Variants in EIF2AK1 observed in about 807,000 individuals in gnomAD.
EIF2AK1 encodes eukaryotic translation initiation factor 2-alpha kinase 1.
Under a neutral mutation model 77.9 loss-of-function variants are expected in EIF2AK1, and 54 were observed. The observed-to-expected ratio is 0.69, with a 90% confidence interval of 0.56 to 0.87. The LOEUF is 0.87. EIF2AK1 is among the 40% of genes least tolerant of loss of function. The pLI, the probability that EIF2AK1 is intolerant of heterozygous loss-of-function variation, is 0.00. For synonymous variants in EIF2AK1, 314 were observed against 290.5 expected (o/e 1.08, Z -0.82); for missense variants, 810 against 768.6 (o/e 1.05, Z -0.64).
chr7:6,043,114 C>G, intron 7 of EIF2AK1, 121 bp from the exon 8 acceptor site: 2 of 980,960 alleles, frequency 2.0e-6, no homozygotes, highest in Non-Finnish European at 3.1e-6. Flanking sequence ...ATGTCATGAC[C>G]TTCTGGCAAA....
chr7:6,040,043 A>T (rs543352794), intron 9 of EIF2AK1, among the ~76,000 whole-genome samples: 1 of 152,222 alleles, frequency 6.6e-6, no homozygotes, highest in East Asian at 1.9e-4. Flanking sequence ...AACAAGACAG[A>T]TTATGTGTAG....
intron 1 of EIF2AK1, among the ~76,000 whole-genome samples, chr7:6,058,423 A>C (rs1344160952): frequency 1.3e-5 from 2 of 152,140 alleles, no homozygotes; most frequent in African/African-American, 4.8e-5. Flanking sequence ...TTCAAAAAAA[A>C]ACTTGGGCCT....
intron 11 of EIF2AK1, among the ~76,000 whole-genome samples, chr7:6,037,208 G>T (rs868517809): frequency 6.6e-6 from 1 of 151,642 alleles, no homozygotes; most frequent in African/African-American, 2.4e-5. Context: ...TCCAACGTGG[G>T]TGACAGAGCG....
intron 11 of EIF2AK1, chr7:6,031,443 G>A (rs772688273): frequency 8.4e-6 from 13 of 1,550,624 alleles, no homozygotes; most frequent in African/African-American, 4.1e-5. Context: ...CTGGAAGATG[G>A]CCCATCTGCA....
Position 6,022,706 on chromosome 7 carries a change from G to C in EIF2AK1, c.*1967C>G, listed in dbSNP as rs571925601. 6.6e-6 allele frequency: 1 copy of C among 152,494 alleles called. No homozygotes were observed. Among genetic ancestry groups the C allele is most frequent in the Admixed American group, 6.5e-5 (1 of 15,312 alleles). The allele number at this position is 152,494 out of a possible 1,614,324, so 9.4% of individuals were successfully genotyped here. On this transcript the variant is annotated 3_prime_UTR_variant, in exon 15 of 15. Coordinates refer to ENST00000199389, the MANE Select transcript of EIF2AK1 (RefSeq NM_014413.4). ...TCAAGGGGGGGACTGTGAGCATTTG[G>C]GGAAGGGGGTTCTGTCCAACCAGGC...
At chr7:6,057,126 C>CTTTT (rs34958065) in intron 1 of EIF2AK1, among the ~76,000 whole-genome samples, 66 of 90,714 alleles carry the variant, frequency 7.3e-4, no homozygotes, top group Non-Finnish European at 8.4e-4. Flanking sequence ...GACCCCATCT[C>CTTTT]TTTTTTTTTT....
In EIF2AK1 at chr7:6,046,118, T is replaced by A. The variant is rs138377344; in HGVS notation, c.583A>T (p.Ile195Leu). The A allele has an allele frequency of 2.5e-6, 4 of 1,574,086 alleles. No homozygotes were observed. Among genetic ancestry groups the A allele is most frequent in the Admixed American group, 4.0e-5 (2 of 50,116 alleles). Residue 195 changes from isoleucine to leucine, a missense_variant, in exon 6 of 15, where the codon ATA (isoleucine) becomes TTA (leucine). Ile to Leu is a conservative substitution (Grantham distance 5, BLOSUM62 2). This residue lies in a region of EIF2AK1 where 549 missense variants were observed against 533.7 expected (regional missense o/e 1.03). Coordinates refer to ENST00000199389, the MANE Select transcript of EIF2AK1 (RefSeq NM_014413.4). ...RNKLDGQYYA[I>L]KKILIKGATK... ...GCACCCTTAATCAGGATTTTTTTTA[T>A]TGCATAATACTGACCATCTAATTTA... is the stretch of plus-strand genomic sequence containing the variant.
In EIF2AK1 at chr7:6,025,842, G is replaced by A. The variant is rs186580930; in HGVS notation, c.1764+886C>T. ...TAGATGGGGTTTCACCATGTTGGCC[G>A]GGCTGGTCTTGAACTCCTAACATCA... On this transcript the variant is annotated intron_variant, in intron 14 of 14. Transcript: ENST00000199389. Among the ~76,000 whole-genome samples, 297 of 151,738 alleles carry A rather than the reference G, an allele frequency of 2.0e-3. 1 individual carries two copies. Among genetic ancestry groups the A allele is most frequent in the Non-Finnish European group, 2.9e-3 (199 of 67,846 alleles).
intron 1 of EIF2AK1, among the ~76,000 whole-genome samples, chr7:6,056,613 A>AAAAAAAAAT: frequency 4.6e-5 from 2 of 43,738 alleles, no homozygotes; most frequent in East Asian, 1.3e-3. Flanking sequence ...AAAAAAAAAA[A>AAAAAAAAAT]ATATATATAT....
chr7:6,039,924 C>T (rs975697982), intron 9 of EIF2AK1, among the ~76,000 whole-genome samples: 1 of 151,710 alleles, frequency 6.6e-6, no homozygotes, highest in Non-Finnish European at 1.5e-5. Flanking sequence ...GTGACAAGAG[C>T]AAAACTTTGT....
chr7:6,023,288 G>T lies in EIF2AK1; in HGVS notation c.*1385C>A, dbSNP rs771202070. 1 of 1,575,624 alleles carries T rather than the reference G, an allele frequency of 6.3e-7. No individual in the cohort carries two copies. Among genetic ancestry groups the T allele is most frequent in the Non-Finnish European group, 8.6e-7 (1 of 1,164,848 alleles). ...CTGCTCTGGTGATGCTACCTGGCGT[G>T]TTTTTTCTTTTCAGTGCCGAAGACG... is the stretch of plus-strand genomic sequence containing the variant. On this transcript the variant is annotated 3_prime_UTR_variant, in exon 15 of 15. Coordinates refer to ENST00000199389, the MANE Select transcript of EIF2AK1 (RefSeq NM_014413.4).
Position 6,024,432 on chromosome 7 carries a change from TGAG to T in EIF2AK1, c.*238_*240del. On this transcript the variant is annotated 3_prime_UTR_variant, in exon 15 of 15. Coordinates refer to ENST00000199389, the MANE Select transcript of EIF2AK1 (RefSeq NM_014413.4). ...AACAGAGTTGAAAGGAGAAAATAAT[TGAG>T]GATGAGGTCCAAGTTTTTAGTTTCA... 7.3e-7 allele frequency: 1 copy of T among 1,369,436 alleles called. No homozygotes were observed. Among genetic ancestry groups the T allele is most frequent in the Non-Finnish European group, 9.4e-7 (1 of 1,063,116 alleles). 84.8% of individuals were successfully genotyped at this position (1,369,436 alleles called of 1,614,324 possible).
In EIF2AK1 at chr7:6,052,795, G is replaced by A. The variant is rs577295158; in HGVS notation, c.277+1751C>T. 4.1e-4 allele frequency among the ~76,000 whole-genome samples: 62 copies of A among 151,804 alleles called. 1 individual carries two copies. In the South Asian group the frequency reaches 0.011, roughly 28 times the overall value. ...AGCCTGAACAACATGGTGAAACCCC[G>A]TCTCTATTAAAAATACAAAAATTAC... On this transcript the variant is annotated intron_variant, in intron 2 of 14. Transcript: ENST00000199389.
intron 1 of EIF2AK1, among the ~76,000 whole-genome samples, chr7:6,055,998 A>G (rs1296373977): frequency 6.8e-5 from 10 of 146,818 alleles, no homozygotes; most frequent in African/African-American, 2.5e-4. Flanking sequence ...AAAAAAAAAA[A>G]AAAAAAAAAA....
intron 9 of EIF2AK1, among the ~76,000 whole-genome samples, chr7:6,040,133 T>C (rs1788253797): frequency 1.3e-5 from 2 of 151,792 alleles, no homozygotes; most frequent in Admixed American, 1.3e-4. Context: ...CAGGCTGGAG[T>C]ACGGTGCCTC....
At position 6,022,399 on chromosome 7, in the gene EIF2AK1, T is replaced by C. The variant is rs983816334; in HGVS notation, c.*2274A>G. The C allele has an allele frequency of 2.0e-4, 30 of 152,228 alleles. No individual in the cohort carries two copies. The highest frequency in any genetic ancestry group is 6.5e-4 in the African/African-American group (27 of 41,542). The allele number at this position is 152,228 out of a possible 1,614,324, so 9.4% of individuals were successfully genotyped here. A position where few individuals can be genotyped will look rare whatever the true frequency, so the allele number is the denominator to read the frequency against. On this transcript the variant is annotated 3_prime_UTR_variant, in exon 15 of 15. Coordinates refer to ENST00000199389, the MANE Select transcript of EIF2AK1 (RefSeq NM_014413.4). ...TTTTGAAGGAGTCAGAAGTTTTATG[T>C]GGATTTTCGACTGCACAGCAGTCGG...
At chr7:6,049,821 A>G in intron 3 of EIF2AK1, 91 bp downstream of exon 3, 1 of 1,320,140 alleles carries the variant, frequency 7.6e-7, no homozygotes, top group Non-Finnish European at 1.0e-6. Context: ...AACTTGTTTT[A>G]TAATCAGAAT....
intron 11 of EIF2AK1, among the ~76,000 whole-genome samples, chr7:6,034,957 C>T (rs770860348): frequency 2.0e-5 from 3 of 152,112 alleles, no homozygotes; most frequent in East Asian, 1.9e-4. Flanking sequence ...AAGGAGTCAA[C>T]GGGAGTTCGG....
At chr7:6,052,135 G>A (rs113959466) in intron 2 of EIF2AK1, among the ~76,000 whole-genome samples, 31,166 of 141,496 alleles carry the variant, frequency 0.22, 4,067 homozygotes, top group African/African-American at 0.39. Flanking sequence ...TCGCACTACC[G>A]CACTCCAGCC....
Sources: gnomAD v4.1 joint callset for allele counts (sites outside exome capture counted in the v4.1 genomes callset) on GRCh38, gnomAD v4.1.1 for gene constraint, gnomAD v4.1.1 regional missense constraint, MANE v1.5 for transcripts, NCBI Gene and HGNC (gene_info 2026-07-23, HGNC 2026-07-21) for gene names.